Variants in LRRC69 observed in about 807,000 individuals in gnomAD.
The protein encoded by LRRC69 is leucine rich repeat containing 69.
A neutral mutation model predicts 37.8 loss-of-function variants in LRRC69; 42 were observed. That is an observed-to-expected ratio of 1.11 (90% CI 0.87 to 1.44). The LOEUF (loss-of-function observed/expected upper bound fraction) is 1.44, where lower values mean the gene tolerates loss of function less well. Ranked by LOEUF, LRRC69 falls within the 40% of genes most tolerant of loss-of-function variation. The pLI, the probability that LRRC69 is intolerant of heterozygous loss-of-function variation, is 0.00. For missense variants in LRRC69, 357 were observed against 401.9 expected (o/e 0.89, Z 0.96); for synonymous variants, 141 against 143.1 (o/e 0.99, Z 0.11).
intron 5 of LRRC69, among the ~76,000 whole-genome samples, chr8:91,178,080 C>A (rs1809265849): frequency 6.6e-6 from 1 of 152,158 alleles, no homozygotes; most frequent in Non-Finnish European, 1.5e-5. Context: ...GATCTCCTGA[C>A]CTTGTGATCC....
chr8:91,128,629 CG>C (rs1279676616), intron 3 of LRRC69, among the ~76,000 whole-genome samples: 1 of 151,962 alleles, frequency 6.6e-6, no homozygotes, highest in African/African-American at 2.4e-5. Flanking sequence ...GAAAATAAAT[CG>C]GATTGTTTTG....
chr8:91,153,051 A>G (rs921235447), intron 5 of LRRC69, among the ~76,000 whole-genome samples: 1 of 151,384 alleles, frequency 6.6e-6, no homozygotes, highest in Non-Finnish European at 1.5e-5. Flanking sequence ...GCAAATGGCA[A>G]GCAGATAAAA....
chr8:91,159,996 A>T (rs1428738506), intron 5 of LRRC69, among the ~76,000 whole-genome samples: 1 of 151,158 alleles, frequency 6.6e-6, no homozygotes, highest in East Asian at 1.9e-4. Context: ...CAACAAAAAT[A>T]TGAATTCTTC....
intron 7 of LRRC69, among the ~76,000 whole-genome samples, chr8:91,203,416 A>T (rs554326929): frequency 7.3e-5 from 11 of 151,480 alleles, no homozygotes; most frequent in African/African-American, 2.7e-4. Flanking sequence ...TTCCGAGACA[A>T]AGTCTGGCTC....
chr8:91,179,694 T>C (rs1317535183), intron 5 of LRRC69, among the ~76,000 whole-genome samples: 1 of 152,254 alleles, frequency 6.6e-6, no homozygotes, highest in East Asian at 1.9e-4. Context: ...TGATAAATAT[T>C]ATTTTTTGGT....
At chr8:91,148,066 T>A (rs1808655334) in intron 5 of LRRC69, among the ~76,000 whole-genome samples, 1 of 151,538 alleles carries the variant, frequency 6.6e-6, no homozygotes, top group Admixed American at 6.6e-5. Context: ...TGCATACTAT[T>A]CCATGGTGTA....
chr8:91,216,933 C>T (rs1810059154), intron 7 of LRRC69, among the ~76,000 whole-genome samples: 1 of 152,112 alleles, frequency 6.6e-6, no homozygotes, highest in Admixed American at 6.6e-5. Flanking sequence ...AGTTCACCCT[C>T]CCCGAAATGT....
intron 5 of LRRC69, among the ~76,000 whole-genome samples, chr8:91,151,179 G>C (rs1420946243): frequency 6.6e-6 from 1 of 151,610 alleles, no homozygotes; most frequent in African/African-American, 2.4e-5. Context: ...TGTGATGTGA[G>C]GGTGTCAATT....
chr8:91,211,620 T>TTA (rs1809925048), intron 7 of LRRC69, among the ~76,000 whole-genome samples: 1 of 129,234 alleles, frequency 7.7e-6, no homozygotes, highest in Non-Finnish European at 1.7e-5. Context: ...ATATATATTT[T>TTA]TTTTTTATTT....
intron 7 of LRRC69, among the ~76,000 whole-genome samples, chr8:91,211,506 T>C (rs1354490343): frequency 3.3e-5 from 5 of 151,006 alleles, no homozygotes; most frequent in Non-Finnish European, 7.4e-5. Flanking sequence ...CACAGAATAC[T>C]TGGGGATGAT....
At chr8:91,207,368 G>T (rs1328781724) in intron 7 of LRRC69, among the ~76,000 whole-genome samples, 1 of 152,218 alleles carries the variant, frequency 6.6e-6, no homozygotes, top group Non-Finnish European at 1.5e-5. Flanking sequence ...TATAGTAGGT[G>T]CTTAATAAGT....
At chr8:91,209,806 C>G (rs1213589020) in intron 7 of LRRC69, among the ~76,000 whole-genome samples, 1 of 152,078 alleles carries the variant, frequency 6.6e-6, no homozygotes, top group Non-Finnish European at 1.5e-5. Flanking sequence ...AATGAGTAAG[C>G]CAAGAAGAGG....
At chr8:91,155,644 C>T (rs908091358) in intron 5 of LRRC69, among the ~76,000 whole-genome samples, 7 of 150,532 alleles carry the variant, frequency 4.7e-5, no homozygotes, top group Non-Finnish European at 8.9e-5. Context: ...TCACCTCTTC[C>T]CTACTCTTCC....
At chr8:91,143,363 A>G (rs977282139) in intron 5 of LRRC69, among the ~76,000 whole-genome samples, 2 of 152,102 alleles carry the variant, frequency 1.3e-5, no homozygotes, top group African/African-American at 4.8e-5. Flanking sequence ...AACTTATGAG[A>G]AAGTGCTTTG....
chr8:91,195,326 T>C (rs1486331033), intron 6 of LRRC69, among the ~76,000 whole-genome samples: 2 of 151,528 alleles, frequency 1.3e-5, no homozygotes, highest in Non-Finnish European at 2.9e-5. Flanking sequence ...TTCTGTTGAT[T>C]TGGGGTGGAG....
intron 1 of LRRC69, among the ~76,000 whole-genome samples, chr8:91,120,211 C>G (rs992474505): frequency 6.6e-5 from 10 of 152,054 alleles, no homozygotes; most frequent in African/African-American, 2.4e-4. Flanking sequence ...AATCACTTTC[C>G]AATTGCTAAA....
At chr8:91,139,187 T>C (rs536843271) in intron 5 of LRRC69, 1 of 152,078 alleles carries the variant, frequency 6.6e-6, no homozygotes, top group South Asian at 2.1e-4. Context: ...AAAAATTTTG[T>C]AAGTTGTACA....
intron 1 of LRRC69, among the ~76,000 whole-genome samples, chr8:91,123,384 T>C (rs116332647): frequency 9.2e-4 from 140 of 152,162 alleles, no homozygotes; most frequent in Middle Eastern, 6.8e-3. Context: ...TATTATACTG[T>C]TATAAATTAG....
At chr8:91,149,151 C>A (rs1808680117) in intron 5 of LRRC69, among the ~76,000 whole-genome samples, 1 of 151,860 alleles carries the variant, frequency 6.6e-6, no homozygotes, top group Non-Finnish European at 1.5e-5. Flanking sequence ...GACATGGAGT[C>A]CTTGCCCATG....
Sources: allele counts gnomAD v4.1 joint callset (sites outside exome capture counted in the v4.1 genomes callset), GRCh38; gene constraint gnomAD v4.1.1; transcripts MANE v1.5; gene names NCBI Gene and HGNC (gene_info 2026-07-23, HGNC 2026-07-21).